The following CNKSR3 variants were observed in gnomAD, a reference collection of about 807,000 sequenced individuals.
CNKSR3 encodes the protein CNKSR family member 3, also known as connector enhancer of kinase suppressor of ras 3.
A neutral mutation model predicts 67.7 loss-of-function variants in CNKSR3; 36 were observed. The ratio of observed to expected loss-of-function variants is 0.53; its 90% CI spans 0.41 to 0.70. CNKSR3 has a LOEUF of 0.70. Among genes scored for constraint, CNKSR3 ranks in the 30% least tolerant of loss-of-function variants. CNKSR3 has a pLI of 0.00. For synonymous variants in CNKSR3, 281 were observed against 271.4 expected (o/e 1.04, Z -0.35); for missense variants, 630 against 695.2 (o/e 0.91, Z 1.05).
chr6:154,430,558 T>C lies in CNKSR3; in HGVS notation c.583A>G (p.Ile195Val), dbSNP rs777455654. The stretch of plus-strand genomic sequence containing the variant: ...ATCACAGGATCTGTGGTAGATCGGA[T>C]TGTTTTGTCACAGATGCCATTTAAA... ...KVLNGICDKT[I>V]RSTTDPVMSQ... Residue 195 changes from isoleucine (I) to valine (V), a missense_variant, in exon 6 of 13, where the codon ATC (isoleucine) becomes GTC (valine). Ile to Val is a conservative substitution (Grantham distance 29). This residue lies in a region of CNKSR3 where 133 missense variants were observed against 190.6 expected (regional missense o/e 0.70). Coordinates refer to ENST00000607772, the MANE Select transcript of CNKSR3 (RefSeq NM_173515.4). The C allele has an allele frequency of 6.2e-7, 1 of 1,612,186 alleles. No individual in the cohort carries two copies. Among genetic ancestry groups the C allele is most frequent in the Non-Finnish European group, 8.5e-7 (1 of 1,179,296 alleles).
At chr6:154,416,033 C>T (rs1785017906) in intron 9 of CNKSR3, among the ~76,000 whole-genome samples, 1 of 152,188 alleles carries the variant, frequency 6.6e-6, no homozygotes, top group African/African-American at 2.4e-5. Context: ...ATAATCCCAA[C>T]ACTTTGGGAG....
chr6:154,468,393 T>TACACAC (rs55806681), intron 1 of CNKSR3, among the ~76,000 whole-genome samples: 6,164 of 137,214 alleles, frequency 0.045, 158 homozygotes, highest in East Asian at 0.084. Flanking sequence ...ATATATTTTA[T>TACACAC]ACACACACAC....
At chr6:154,458,836 G>A (rs1475418057) in intron 1 of CNKSR3, among the ~76,000 whole-genome samples, 1 of 152,138 alleles carries the variant, frequency 6.6e-6, no homozygotes, top group East Asian at 1.9e-4. Flanking sequence ...GAGGTTTGTG[G>A]TTAAATTTAA....
At chr6:154,426,230 CCT>C (rs148383681) in intron 7 of CNKSR3, among the ~76,000 whole-genome samples, 368 of 152,276 alleles carry the variant, frequency 2.4e-3, no homozygotes, top group African/African-American at 6.9e-3. Context: ...CAGGACAGCC[CCT>C]GAGTCTGTTA....
chr6:154,430,759 C>G (rs1012235472), intron 5 of CNKSR3, among the ~76,000 whole-genome samples, 168 bp from the exon 6 acceptor site: 2 of 152,220 alleles, frequency 1.3e-5, no homozygotes, highest in African/African-American at 2.4e-5. Flanking sequence ...TGTTTACCAT[C>G]TGTGGGAATA....
In CNKSR3 at chr6:154,406,475, G is replaced by C; in HGVS notation, c.1547C>G (p.Thr516Arg). ...GGTCCCTTCCTCCTGGAATGGAATC[G>C]TGGCGCTGCTGTGGAGATCTGAGTT... ...YINSDLHSSA[T>R]IPFQEEGTKK... The change falls in exon 13 of 13, where the codon ACG becomes AGG. Residue 516 changes from threonine (T) to arginine (R), a missense_variant. Thr to Arg is a moderately conservative substitution (Grantham distance 71). Transcript: ENST00000607772. The C allele has an allele frequency of 3.1e-6, 5 of 1,614,206 alleles. No individual in the cohort carries two copies. Among genetic ancestry groups the C allele is most frequent in the Non-Finnish European group, 3.4e-6 (4 of 1,180,040 alleles).
chr6:154,472,119 T>A (rs939101281), intron 1 of CNKSR3, among the ~76,000 whole-genome samples: 1 of 152,150 alleles, frequency 6.6e-6, no homozygotes, highest in Non-Finnish European at 1.5e-5. Flanking sequence ...ATCCATAATG[T>A]GACAAAGTGC....
intron 9 of CNKSR3, among the ~76,000 whole-genome samples, chr6:154,416,720 G>A (rs933569155): frequency 2.0e-5 from 3 of 152,164 alleles, no homozygotes; most frequent in Non-Finnish European, 4.4e-5. Context: ...ATGGAACACA[G>A]AGAAACCCCC....
chr6:154,501,685 C>G (rs1348380712), intron 1 of CNKSR3, among the ~76,000 whole-genome samples: 1 of 152,140 alleles, frequency 6.6e-6, no homozygotes, highest in Non-Finnish European at 1.5e-5. Context: ...AGTCCCCCAC[C>G]CAGTCCCTCT....
intron 7 of CNKSR3, among the ~76,000 whole-genome samples, chr6:154,424,212 C>T (rs1785206265): frequency 7.8e-6 from 1 of 128,986 alleles, no homozygotes; most frequent in African/African-American, 3.0e-5. Flanking sequence ...GCCTAGGCGA[C>T]AGAGCGAGAC....
intron 10 of CNKSR3, among the ~76,000 whole-genome samples, chr6:154,411,795 C>A (rs1310036977): frequency 6.6e-6 from 1 of 152,016 alleles, no homozygotes. Flanking sequence ...TCTAGCGAAC[C>A]ACGTTGCTCA....
rs1024582182 is a variant in CNKSR3, at chr6:154,433,660, A to G, written c.508-153T>C. The G allele has an allele frequency of 8.0e-6, 5 of 622,928 alleles. No homozygotes were observed. The Admixed American group carries it at 1.4e-4, about 18-fold the overall frequency. The allele number at this position is 622,928 out of a possible 1,614,324, so 38.6% of individuals were successfully genotyped here. Reference sequence around the variant, plus strand: ...GTCCTGCAGGACTGGGATGGGAATGAGAGGGCAGAGTGGGAACAGAGCTGA... The same window carrying G: ...GTCCTGCAGGACTGGGATGGGAATGGGAGGGCAGAGTGGGAACAGAGCTGA... On this transcript the variant is annotated intron_variant, in intron 4 of 12. Transcript: ENST00000607772.
intron 1 of CNKSR3, among the ~76,000 whole-genome samples, chr6:154,479,484 C>T (rs1218011624): frequency 6.6e-6 from 1 of 152,146 alleles, no homozygotes; most frequent in Non-Finnish European, 1.5e-5. Context: ...AAAGAAAGAG[C>T]ATTCAGCTGC....
chr6:154,464,800 C>T (rs1786158721), intron 1 of CNKSR3, among the ~76,000 whole-genome samples: 1 of 151,954 alleles, frequency 6.6e-6, no homozygotes, highest in East Asian at 1.9e-4. Flanking sequence ...AGTGCGCTCT[C>T]AAGAGGGACG....
At chr6:154,434,292 A>G (rs1182423946) in intron 4 of CNKSR3, among the ~76,000 whole-genome samples, 1 of 152,200 alleles carries the variant, frequency 6.6e-6, no homozygotes, top group Non-Finnish European at 1.5e-5. Context: ...GTAGCAAAGG[A>G]TTTCAACCTA....
At chr6:154,504,706 T>C (rs1039183112) in intron 1 of CNKSR3, among the ~76,000 whole-genome samples, 4 of 148,824 alleles carry the variant, frequency 2.7e-5, no homozygotes, top group Non-Finnish European at 3.0e-5. Flanking sequence ...CTGGGTTTTC[T>C]AAGGATGAAA....
intron 1 of CNKSR3, among the ~76,000 whole-genome samples, chr6:154,476,720 AG>A (rs563508118): frequency 1.2e-3 from 184 of 152,336 alleles, no homozygotes; most frequent in African/African-American, 4.3e-3. Flanking sequence ...CACACACTTC[AG>A]TGATTCTGAA....
At chr6:154,426,057 C>T (rs1028825899) in intron 7 of CNKSR3, among the ~76,000 whole-genome samples, 1 of 152,216 alleles carries the variant, frequency 6.6e-6, no homozygotes, top group Non-Finnish European at 1.5e-5. Flanking sequence ...GTGTCTAGCA[C>T]ATTCCAGGTC....
At position 154,498,580 on chromosome 6, in the gene CNKSR3, C is replaced by T. The variant is rs187615349; in HGVS notation, c.52+11483G>A. 2.9e-3 allele frequency among the ~76,000 whole-genome samples: 437 copies of T among 152,314 alleles called. 1 individual carries two copies. The highest frequency in any genetic ancestry group is 4.4e-3 in the Non-Finnish European group (301 of 68,024). ...CACACTGCAACTTCTGACATTGCCT[C>T]CTGGCCCCTATAGGCAACCGTGTTT... On this transcript the variant is annotated intron_variant, in intron 1 of 12. Coordinates refer to ENST00000607772, the MANE Select transcript of CNKSR3 (RefSeq NM_173515.4).
Sources: allele counts gnomAD v4.1 joint callset (sites outside exome capture counted in the v4.1 genomes callset), GRCh38; gene constraint gnomAD v4.1.1; regional missense constraint gnomAD v4.1.1; transcripts MANE v1.5; gene names NCBI Gene and HGNC (gene_info 2026-07-23, HGNC 2026-07-21).